SPPL3: variants seen among roughly 807,000 people sequenced by gnomAD.
The protein encoded by SPPL3 is signal peptide peptidase like 3, also known as signal peptide peptidase-like 3.
Under a neutral mutation model 42.4 loss-of-function variants are expected in SPPL3, and 5 were observed. That is an observed-to-expected ratio of 0.12 (90% confidence interval 0.06 to 0.25). The LOEUF (loss-of-function observed/expected upper bound fraction) is 0.25, where lower values mean the gene tolerates loss of function less well. Ranked by LOEUF, SPPL3 falls within the 10% of genes least tolerant of loss-of-function variation. The pLI, the probability that SPPL3 is intolerant of heterozygous loss-of-function variation, is 1.00. For synonymous variants in SPPL3, 195 were observed against 181.8 expected (o/e 1.07, Z -0.58); for missense variants, 235 against 489.0 (o/e 0.48, Z 4.90).
chr12:120,836,372 C>T (rs763689821), intron 1 of SPPL3, among the ~76,000 whole-genome samples: 1 of 152,060 alleles, frequency 6.6e-6, no homozygotes, highest in South Asian at 2.1e-4. Flanking sequence ...GGAAAGAGGC[C>T]ACACAGAGAA....
chr12:120,804,263 G>A (rs1870418531), intron 2 of SPPL3, among the ~76,000 whole-genome samples: 2 of 152,060 alleles, frequency 1.3e-5, no homozygotes, highest in South Asian at 4.1e-4. Context: ...TGTTACTAGA[G>A]ATAAAGAGGA....
intron 2 of SPPL3, among the ~76,000 whole-genome samples, chr12:120,799,619 G>A (rs995235336): frequency 5.3e-5 from 8 of 152,130 alleles, no homozygotes; most frequent in African/African-American, 1.9e-4. Flanking sequence ...CATTCTTCTA[G>A]TTCTCTGTGT....
chr12:120,791,616 A>G, intron 2 of SPPL3, 59 bp from the exon 3 acceptor site: 1 of 1,130,156 alleles, frequency 8.8e-7, no homozygotes, highest in Non-Finnish European at 1.3e-6. Flanking sequence ...AGGTCAGAAA[A>G]GTCATATGAC....
intron 1 of SPPL3, among the ~76,000 whole-genome samples, chr12:120,900,677 C>A (rs1469376337): frequency 6.6e-6 from 1 of 151,330 alleles, no homozygotes; most frequent in Non-Finnish European, 1.5e-5. Context: ...GAGGCCAATC[C>A]CAGGCAGACT....
At chr12:120,808,625 T>A (rs1220907827) in intron 2 of SPPL3, among the ~76,000 whole-genome samples, 1 of 152,198 alleles carries the variant, frequency 6.6e-6, no homozygotes, top group South Asian at 2.1e-4. Flanking sequence ...AAAGCTATCA[T>A]CACTGTAACA....
In SPPL3 at chr12:120,813,339, C is replaced by T. The variant is rs186369166; in HGVS notation, c.24-2453G>A. ...TCAGCTTTTTTTTTTTTTTTTGAGA[C>T]GGAGTTTCACTCTTGTTGCCCAGGC... On this transcript the variant is annotated intron_variant, in intron 1 of 10. Coordinates refer to ENST00000353487, the MANE Select transcript of SPPL3 (RefSeq NM_139015.5). Among the ~76,000 whole-genome samples the T allele has an allele frequency of 1.8e-3, 251 of 136,188 alleles. 1 individual carries two copies. Among genetic ancestry groups the T allele is most frequent in the African/African-American group, 6.5e-3 (225 of 34,500 alleles). The allele number at this position is 136,188 out of a possible 152,430, so 89.3% of individuals were successfully genotyped here.
At chr12:120,818,142 G>A (rs1231510604) in intron 1 of SPPL3, among the ~76,000 whole-genome samples, 2 of 152,108 alleles carry the variant, frequency 1.3e-5, no homozygotes, top group Non-Finnish European at 2.9e-5. Context: ...GTTCCCAGAG[G>A]CTCTGGGCGG....
rs1057210441 is a variant in SPPL3 at position 120,875,578 on chromosome 12, G to A, written c.23+28267C>T. Among the ~76,000 whole-genome samples the A allele has an allele frequency of 2.0e-5, 3 of 149,758 alleles. No individual in the cohort carries two copies. The South Asian group carries it at 6.3e-4, about 31-fold the overall frequency. Reference sequence around the variant, plus strand: ...CCTGAGGTGAAGGTTGCAGTCAGCCGAGACTGTGCCACTGCCCTCTAGCCT... The same window carrying A: ...CCTGAGGTGAAGGTTGCAGTCAGCCAAGACTGTGCCACTGCCCTCTAGCCT... On this transcript the variant is annotated intron_variant, in intron 1 of 10. Coordinates refer to ENST00000353487, the MANE Select transcript of SPPL3 (RefSeq NM_139015.5).
chr12:120,845,381 C>G (rs552313267), intron 1 of SPPL3: 53 of 366,890 alleles, frequency 1.4e-4, no homozygotes, highest in Non-Finnish European at 2.2e-4. Context: ...GTGCTGTCCA[C>G]TACAAAAATC....
intron 1 of SPPL3, among the ~76,000 whole-genome samples, chr12:120,881,737 T>C (rs1433492869): frequency 6.6e-6 from 1 of 151,232 alleles, no homozygotes; most frequent in African/African-American, 2.4e-5. Context: ...GGAAGAAAAT[T>C]CTGACACACG....
chr12:120,805,698 T>C (rs1043114078), intron 2 of SPPL3, among the ~76,000 whole-genome samples: 6 of 152,130 alleles, frequency 3.9e-5, no homozygotes, highest in Non-Finnish European at 8.8e-5. Context: ...CAAAAATTAA[T>C]TGTAGTTCTA....
chr12:120,772,556 CTTCAAAT>C (rs1869163134), intron 6 of SPPL3, among the ~76,000 whole-genome samples: 1 of 152,276 alleles, frequency 6.6e-6, no homozygotes, highest in Middle Eastern at 3.4e-3. Flanking sequence ...GTTCTATTAA[CTTCAAAT>C]TTCAAATTAT....
At chr12:120,785,608 T>C (rs1013416501) in intron 3 of SPPL3, among the ~76,000 whole-genome samples, 3 of 152,036 alleles carry the variant, frequency 2.0e-5, no homozygotes, top group Non-Finnish European at 4.4e-5. Context: ...AAATTAACTC[T>C]ATTGAGATGT....
intron 1 of SPPL3, among the ~76,000 whole-genome samples, chr12:120,852,409 G>GTATATATAATATA (rs1566060706): frequency 2.8e-5 from 1 of 36,012 alleles, no homozygotes; most frequent in African/African-American, 9.2e-5. Context: ...TGAAATATAT[G>GTATATATAATATA]CATATATAAT....
chr12:120,873,893 A>C (rs1439465567), intron 1 of SPPL3, among the ~76,000 whole-genome samples: 1 of 152,070 alleles, frequency 6.6e-6, no homozygotes, highest in African/African-American at 2.4e-5. Flanking sequence ...TTAATTAATT[A>C]ATTAAAAAAT....
chr12:120,837,585 TACA>T (rs1394358897), intron 1 of SPPL3, among the ~76,000 whole-genome samples: 1 of 152,240 alleles, frequency 6.6e-6, no homozygotes, highest in Admixed American at 6.5e-5. Flanking sequence ...CTTTATATCA[TACA>T]ACAACCTTCC....
At chr12:120,897,235 A>G (rs537165066) in intron 1 of SPPL3, among the ~76,000 whole-genome samples, 1 of 152,324 alleles carries the variant, frequency 6.6e-6, no homozygotes, top group African/African-American at 2.4e-5. Flanking sequence ...AATTGATAGT[A>G]CTACCTGATA....
chr12:120,890,448 G>A (rs1442417160), intron 1 of SPPL3, among the ~76,000 whole-genome samples: 4 of 151,662 alleles, frequency 2.6e-5, no homozygotes, highest in Non-Finnish European at 5.9e-5. Context: ...AATTAGCTGG[G>A]CGTGGTGGCA....
intron 1 of SPPL3, among the ~76,000 whole-genome samples, chr12:120,858,076 CA>C (rs1872516827): frequency 6.6e-6 from 1 of 151,902 alleles, no homozygotes; most frequent in Non-Finnish European, 1.5e-5. Context: ...GAAAGGGAGG[CA>C]GAGAGCATCT....
Sources: allele counts gnomAD v4.1 joint callset (sites outside exome capture counted in the v4.1 genomes callset), GRCh38; gene constraint gnomAD v4.1.1; transcripts MANE v1.5; gene names NCBI Gene and HGNC (gene_info 2026-07-23, HGNC 2026-07-21).